Variants in ZC3H12C observed in about 807,000 individuals in gnomAD.
The protein encoded by ZC3H12C is zinc finger CCCH-type containing 12C.
Under a neutral mutation model 76.3 loss-of-function variants are expected in ZC3H12C, and 20 were observed. The observed-to-expected ratio is 0.26, with a 90% CI of 0.18 to 0.38. The LOEUF (loss-of-function observed/expected upper bound fraction) is 0.38, where lower values mean the gene tolerates loss of function less well. Ranked by LOEUF, ZC3H12C falls within the 10% of genes least tolerant of loss-of-function variation. The pLI is 1.00. For synonymous variants in ZC3H12C, 352 were observed against 399.6 expected, an observed-to-expected ratio of 0.88 and a Z score of 1.42; for missense variants, 874 against 1,086.5, an observed-to-expected ratio of 0.80 and a Z score of 2.75.
chr11:110,098,040 A>T (rs1393264387), intron 1 of ZC3H12C, among the ~76,000 whole-genome samples: 3 of 152,184 alleles, frequency 2.0e-5, no homozygotes, highest in African/African-American at 4.8e-5. Flanking sequence ...GTTAACTGTA[A>T]AACAGCTTCA....
chr11:110,158,085 T>C (rs1197859032), intron 3 of ZC3H12C, among the ~76,000 whole-genome samples: 1 of 152,032 alleles, frequency 6.6e-6, no homozygotes, highest in East Asian at 1.9e-4. Context: ...GGTGGGAAAA[T>C]GGGGGACAGA....
At chr11:110,104,221 A>G (rs531770945) in intron 1 of ZC3H12C, among the ~76,000 whole-genome samples, 2 of 151,994 alleles carry the variant, frequency 1.3e-5, no homozygotes, top group South Asian at 4.2e-4. Flanking sequence ...ACCACACCCA[A>G]GTAATTTTTG....
chr11:110,117,901 AC>A (rs538278472), intron 1 of ZC3H12C, among the ~76,000 whole-genome samples: 1,422 of 127,614 alleles, frequency 0.011, 385 homozygotes, highest in Non-Finnish European at 0.016. Context: ...ATATATACAC[AC>A]ACACATATAT....
At chr11:110,120,020 A>G (rs1301360449) in intron 1 of ZC3H12C, among the ~76,000 whole-genome samples, 8 of 152,166 alleles carry the variant, frequency 5.3e-5, no homozygotes, top group Admixed American at 5.2e-4. Context: ...CTTATCTAAG[A>G]CGCCTTCCCT....
rs760228663 is a variant in ZC3H12C at position 110,159,400 on chromosome 11, A to T, written c.1058A>T (p.Asn353Ile). 1.2e-6 allele frequency: 2 copies of T among 1,613,904 alleles called. No homozygotes were observed. Among genetic ancestry groups the T allele is most frequent in the Non-Finnish European group, 1.7e-6 (2 of 1,179,942 alleles). Reference sequence around the variant, plus strand: ...GAGTCGGACGGTATCATTGTGTCCAATGATAACTACAGGGACTTGGCTAAT... The same window carrying T: ...GAGTCGGACGGTATCATTGTGTCCATTGATAACTACAGGGACTTGGCTAAT... Reference protein sequence around the residue: ...AFESDGIIVSNDNYRDLANEK... With the variant: ...AFESDGIIVSIDNYRDLANEK... Residue 353 changes from asparagine to isoleucine, a missense_variant, in exon 4 of 6, where the codon AAT becomes ATT. This residue lies in a region of ZC3H12C where 269 missense variants were observed against 424.9 expected (regional missense o/e 0.63). Transcript: ENST00000278590.
At chr11:110,102,952 T>G (rs73549280) in intron 1 of ZC3H12C, among the ~76,000 whole-genome samples, 4,925 of 152,308 alleles carry the variant, frequency 0.032, 155 homozygotes, top group East Asian at 0.087. Flanking sequence ...GACATAATGC[T>G]ATTACACATT....
At chr11:110,096,000 T>C (rs1003003728) in intron 1 of ZC3H12C, among the ~76,000 whole-genome samples, 2 of 152,352 alleles carry the variant, frequency 1.3e-5, no homozygotes, top group Non-Finnish European at 2.9e-5. Flanking sequence ...ATCGTAAATC[T>C]ACCAAATGTT....
intron 1 of ZC3H12C, among the ~76,000 whole-genome samples, chr11:110,111,697 ATTTT>A (rs11387069): frequency 7.6e-6 from 1 of 132,032 alleles, no homozygotes; most frequent in Non-Finnish European, 1.6e-5. Context: ...GGCCTGACTG[ATTTT>A]TTTTTTTTTT....
intron 1 of ZC3H12C, 27 bp downstream of exon 1, chr11:110,093,459 ACGCGGACCGCGG>A: frequency 8.4e-7 from 1 of 1,197,120 alleles, no homozygotes; most frequent in Non-Finnish European, 1.0e-6. Context: ...GGGGTGGGGG[ACGCGGACCGCGG>A]CGAGAGTGGT....
rs1862306650 is a variant in ZC3H12C, at chr11:110,153,149, A to T, written c.913+91A>T. 4 of 1,463,256 alleles carry T rather than the reference A, an allele frequency of 2.7e-6. No homozygotes were observed. The Admixed American group carries it at 7.4e-5, about 27-fold the overall frequency. The allele number at this position is 1,463,256 out of a possible 1,614,324, so 90.6% of individuals were successfully genotyped here. On this transcript the variant is annotated intron_variant, in intron 3 of 5. Coordinates refer to ENST00000278590, the MANE Select transcript of ZC3H12C (RefSeq NM_033390.2). ...CTGTCAGGTATCCTAAATCCATTTC[A>T]CTTGCTCAGCGCAGGCAGTGGGACA...
At chr11:110,106,626 G>A (rs976753692) in intron 1 of ZC3H12C, among the ~76,000 whole-genome samples, 7 of 152,142 alleles carry the variant, frequency 4.6e-5, no homozygotes, top group Non-Finnish European at 1.0e-4. Context: ...ATATATCGAA[G>A]CACTTAAATT....
chr11:110,098,348 GTTA>G (rs879671385), intron 1 of ZC3H12C, among the ~76,000 whole-genome samples: 1 of 152,142 alleles, frequency 6.6e-6, no homozygotes, highest in Non-Finnish European at 1.5e-5. Flanking sequence ...TAAGCCAAGT[GTTA>G]TTATAAAACA....
chr11:110,132,713 C>G (rs758106173), intron 1 of ZC3H12C, among the ~76,000 whole-genome samples: 5 of 152,078 alleles, frequency 3.3e-5, no homozygotes, highest in Non-Finnish European at 5.9e-5. Flanking sequence ...GGAGTAAAAA[C>G]TGACCTACTT....
In ZC3H12C at chr11:110,144,637, G is replaced by A. The variant is rs116776546; in HGVS notation, c.773+7223G>A. ...TTCTTTGATCATGTAAATAATATAC[G>A]TATTATATAAGTTTTAGAAATAAAG... On this transcript the variant is annotated intron_variant, in intron 2 of 5. Coordinates refer to ENST00000278590, the MANE Select transcript of ZC3H12C (RefSeq NM_033390.2). 2.2e-4 allele frequency among the ~76,000 whole-genome samples: 34 copies of A among 152,176 alleles called. No individual in the cohort carries two copies. In the East Asian group the frequency reaches 3.9e-3, roughly 17 times the overall value.
rs1439658524 is a variant in ZC3H12C, at chr11:110,118,072, CAT to C, written c.22-18584_22-18583del. Among the ~76,000 whole-genome samples, 6 of 56,698 alleles carry C rather than the reference CAT, an allele frequency of 1.1e-4. 1 individual carries two copies. Among genetic ancestry groups the C allele is most frequent in the South Asian group, 8.7e-4 (2 of 2,304 alleles). The allele number at this position is 56,698 out of a possible 152,430, so 37.2% of individuals were successfully genotyped here. On this transcript the variant is annotated intron_variant, in intron 1 of 5. Transcript: ENST00000278590. ...TATATATTATATATATACACACACACATATATATTATATATATACACATACAC... is the reference window on the plus strand; with the variant it reads ...TATATATTATATATATACACACACACATATATTATATATATACACATACAC...
intron 1 of ZC3H12C, chr11:110,124,384 ATCT>A (rs1861702601): frequency 6.6e-6 from 1 of 152,080 alleles, no homozygotes; most frequent in Admixed American, 6.5e-5. Context: ...TCACTTGAAG[ATCT>A]TCTAGAGATC....
chr11:110,164,896 C>T lies in ZC3H12C; in HGVS notation c.1811C>T (p.Pro604Leu). Reference protein sequence around the residue: ...NAYSNLSLSGPRSPERRFSLD... With the variant: ...NAYSNLSLSGLRSPERRFSLD... ...TACTCAAATCTGAGTCTCTCAGGCCCACGAAGCCCTGAAAGGCGTTTCTCC... is the reference window on the plus strand; with the variant it reads ...TACTCAAATCTGAGTCTCTCAGGCCTACGAAGCCCTGAAAGGCGTTTCTCC... The change falls in exon 6 of 6, where the codon CCA becomes CTA. Residue 604 changes from proline (P) to leucine (L), a missense_variant. This residue lies in a region of ZC3H12C where 395 missense variants were observed against 434.4 expected (regional missense o/e 0.91). Coordinates refer to ENST00000278590, the MANE Select transcript of ZC3H12C (RefSeq NM_033390.2). The surrounding 1 kb of genome is among the most constrained non-coding windows in gnomAD (Gnocchi z 5.7). 1 of 1,613,980 alleles carries T rather than the reference C, an allele frequency of 6.2e-7. No individual in the cohort carries two copies. The highest frequency in any genetic ancestry group is 8.5e-7 in the Non-Finnish European group (1 of 1,179,876).
rs963492259 is a variant in ZC3H12C, at chr11:110,171,126, T to C, written c.*5389T>C. On this transcript the variant is annotated 3_prime_UTR_variant, in exon 6 of 6. Coordinates refer to ENST00000278590, the MANE Select transcript of ZC3H12C (RefSeq NM_033390.2). ...AGATGAATAACAAAACGCTGTTCAT[T>C]GAAGCTTTCGCCACCTTTCTTAAAG... is the stretch of plus-strand genomic sequence containing the variant. 1 of 152,258 alleles carries C rather than the reference T, an allele frequency of 6.6e-6. No homozygotes were observed. The highest frequency in any genetic ancestry group is 1.5e-5 in the Non-Finnish European group (1 of 68,038). 9.4% of individuals were successfully genotyped at this position (152,258 alleles called of 1,614,324 possible).
At chr11:110,143,058 A>G (rs1862094943) in intron 2 of ZC3H12C, among the ~76,000 whole-genome samples, 1 of 152,238 alleles carries the variant, frequency 6.6e-6, no homozygotes, top group African/African-American at 2.4e-5. Flanking sequence ...ATCAGAGACA[A>G]TAACGTTGAG....
Sources: allele counts gnomAD v4.1 joint callset (sites outside exome capture counted in the v4.1 genomes callset), GRCh38; gene constraint gnomAD v4.1.1; regional missense constraint gnomAD v4.1.1; non-coding constraint Gnocchi (gnomAD v3.1); transcripts MANE v1.5; gene names NCBI Gene and HGNC (gene_info 2026-07-23, HGNC 2026-07-21).